HECW2: variants seen among roughly 807,000 people sequenced by gnomAD.
HECW2 encodes HECT, C2 and WW domain containing E3 ubiquitin protein ligase 2.
HECW2 carries 61 observed loss-of-function variants against 175.2 expected under a neutral mutation model. The observed-to-expected ratio is 0.35, with a 90% confidence interval of 0.28 to 0.43. The LOEUF (loss-of-function observed/expected upper bound fraction) is 0.43. Ranked by LOEUF, HECW2 falls within the 20% of genes least tolerant of loss-of-function variation. HECW2 has a pLI of 1.00. For synonymous variants in HECW2, 671 were observed against 731.0 expected, an observed-to-expected ratio of 0.92 and a Z score of 1.32; for missense variants, 1,524 against 2,000.5, an observed-to-expected ratio of 0.76 and a Z score of 4.54.
chr2:196,349,386 T>C (rs1048861733), intron 2 of HECW2, among the ~76,000 whole-genome samples: 1 of 152,226 alleles, frequency 6.6e-6, no homozygotes, highest in African/African-American at 2.4e-5. Flanking sequence ...TTAATACATA[T>C]ATACCCAAAT....
chr2:196,213,733 A>G (rs1687373048), intron 28 of HECW2, among the ~76,000 whole-genome samples: 1 of 152,200 alleles, frequency 6.6e-6, no homozygotes, highest in Non-Finnish European at 1.5e-5. Context: ...GAAGAATACC[A>G]CCATTTACAA....
chr2:196,201,540 C>G (rs754776228), intron 28 of HECW2, 152 bp from the exon 29 acceptor site: 1 of 520,564 alleles, frequency 1.9e-6, no homozygotes, highest in East Asian at 2.9e-5. Flanking sequence ...TTTGAAAAAT[C>G]TTTGAAAACA....
chr2:196,365,740 C>G (rs1042449166), intron 2 of HECW2, among the ~76,000 whole-genome samples: 2 of 152,128 alleles, frequency 1.3e-5, no homozygotes, highest in Non-Finnish European at 2.9e-5. Flanking sequence ...AGAAAGTAGG[C>G]CGTTAAACTC....
chr2:196,500,397 A>G (rs867735305), intron 1 of HECW2, among the ~76,000 whole-genome samples: 28 of 152,350 alleles, frequency 1.8e-4, no homozygotes, highest in Middle Eastern at 3.4e-3. Flanking sequence ...ACATACATAC[A>G]TGCAATCTTA....
At chr2:196,275,932 G>C (rs189343203) in intron 15 of HECW2, among the ~76,000 whole-genome samples, 29 of 152,308 alleles carry the variant, frequency 1.9e-4, no homozygotes, top group African/African-American at 6.7e-4. Flanking sequence ...AATGACTCAT[G>C]TATGTAACTA....
At chr2:196,502,461 C>A (rs1012158321) in intron 1 of HECW2, among the ~76,000 whole-genome samples, 1 of 152,226 alleles carries the variant, frequency 6.6e-6, no homozygotes, top group Non-Finnish European at 1.5e-5. Context: ...AAAGTTCAAA[C>A]TTCATGTTAG....
chr2:196,403,700 C>G (rs190937038), intron 2 of HECW2, among the ~76,000 whole-genome samples: 1 of 152,138 alleles, frequency 6.6e-6, no homozygotes, highest in Non-Finnish European at 1.5e-5. Flanking sequence ...TCATTCTCTG[C>G]AGGGAAGATA....
intron 1 of HECW2, among the ~76,000 whole-genome samples, chr2:196,460,916 T>C (rs6740740): frequency 0.074 from 11,167 of 149,978 alleles, 1,050 homozygotes; most frequent in African/African-American, 0.22. Context: ...TGAGCCACCA[T>C]CTCCAGCCTA....
chr2:196,544,186 C>T (rs192262538), intron 1 of HECW2, among the ~76,000 whole-genome samples: 41 of 152,266 alleles, frequency 2.7e-4, no homozygotes, highest in African/African-American at 9.1e-4. Flanking sequence ...AGATCAAGAC[C>T]GGAAGTATGG....
chr2:196,521,051 A>T (rs193298117), intron 1 of HECW2, among the ~76,000 whole-genome samples: 81 of 152,264 alleles, frequency 5.3e-4, no homozygotes, highest in South Asian at 1.0e-3. Context: ...ATCAGGAGAA[A>T]AGCATTATTT....
intron 1 of HECW2, among the ~76,000 whole-genome samples, chr2:196,518,774 C>T (rs1688243261): frequency 6.6e-6 from 1 of 151,928 alleles, no homozygotes; most frequent in African/African-American, 2.4e-5. Context: ...TTGGCCTTAG[C>T]TCAGTGCCTG....
At chr2:196,346,819 T>G (rs1371281247) in intron 2 of HECW2, among the ~76,000 whole-genome samples, 1 of 151,490 alleles carries the variant, frequency 6.6e-6, no homozygotes, top group Non-Finnish European at 1.5e-5. Flanking sequence ...GCCAACATGG[T>G]GAAACCCTGT....
intron 1 of HECW2, among the ~76,000 whole-genome samples, chr2:196,479,214 C>A (rs1686764828): frequency 6.6e-6 from 1 of 152,226 alleles, no homozygotes; most frequent in African/African-American, 2.4e-5. Context: ...TTCTCCTTCT[C>A]TCCCAAAAGG....
In HECW2 at chr2:196,322,565, T is replaced by C; in HGVS notation, c.797A>G (p.Lys266Arg). The change falls in exon 7 of 29, where the codon AAA (lysine) becomes AGA (arginine). Residue 266 changes from lysine to arginine, a missense_variant. Physicochemically the swap from Lys to Arg is conservative, Grantham distance 26. This residue lies in a region of HECW2 where 95 missense variants were observed against 136.8 expected (regional missense o/e 0.69). Transcript: ENST00000644978. ...GATGATGGGACGGCTCTTGGCAAAT[T>C]TGTCTTTAATTTCAATTTCTAAGAC... ...TDVLEIEIKD[K>R]FAKSRPIIKR... 1 of 1,613,698 alleles carries C rather than the reference T, an allele frequency of 6.2e-7. No individual in the cohort carries two copies. The highest frequency in any genetic ancestry group is 8.5e-7 in the Non-Finnish European group (1 of 1,179,630).
chr2:196,257,383 A>G (rs1689100517), intron 18 of HECW2, among the ~76,000 whole-genome samples: 1 of 152,188 alleles, frequency 6.6e-6, no homozygotes, highest in Admixed American at 6.5e-5. Flanking sequence ...TCCCAAACGT[A>G]CACCCTCAAA....
chr2:196,284,701 A>T (rs182870331), intron 14 of HECW2, among the ~76,000 whole-genome samples: 1 of 152,218 alleles, frequency 6.6e-6, no homozygotes, highest in African/African-American at 2.4e-5. Flanking sequence ...CCCACAGGAA[A>T]TGCTACCTAG....
rs1022164173 is a variant in HECW2 at position 196,477,861 on chromosome 2, G to A, written c.-35-44403C>T. Reference sequence around the variant, plus strand: ...GAGGTCAGGAGTTCGAGACCAGTCTGGCCAACATGGCGAAACCCCGTCTCT... The same window carrying A: ...GAGGTCAGGAGTTCGAGACCAGTCTAGCCAACATGGCGAAACCCCGTCTCT... On this transcript the variant is annotated intron_variant, in intron 1 of 28. Transcript: ENST00000644978. 2.6e-5 allele frequency among the ~76,000 whole-genome samples: 4 copies of A among 152,132 alleles called. No individual in the cohort carries two copies. In the East Asian group the frequency reaches 5.8e-4, roughly 22 times the overall value.
At chr2:196,589,268 G>C (rs1691097290) in intron 1 of HECW2, among the ~76,000 whole-genome samples, 1 of 152,090 alleles carries the variant, frequency 6.6e-6, no homozygotes, top group Non-Finnish European at 1.5e-5. Flanking sequence ...GACTTCAGTG[G>C]AGTGAGTTTG....
intron 17 of HECW2, among the ~76,000 whole-genome samples, chr2:196,267,098 C>T (rs779181288): frequency 5.3e-5 from 8 of 152,156 alleles, no homozygotes; most frequent in Non-Finnish European, 1.0e-4. Flanking sequence ...AAGGAGGAAA[C>T]AGCCTGCTGC....
Sources: allele counts gnomAD v4.1 joint callset (sites outside exome capture counted in the v4.1 genomes callset), GRCh38; gene constraint gnomAD v4.1.1; regional missense constraint gnomAD v4.1.1; transcripts MANE v1.5; gene names NCBI Gene and HGNC (gene_info 2026-07-23, HGNC 2026-07-21).